Variants in MAF observed in about 807,000 individuals in gnomAD.
MAF encodes MAF bZIP transcription factor, also known as transcription factor Maf.
Under a neutral mutation model 22.0 loss-of-function variants are expected in MAF, and 10 were observed. The observed-to-expected ratio is 0.45, with a 90% confidence interval of 0.28 to 0.77. The LOEUF (loss-of-function observed/expected upper bound fraction) is 0.77. Ranked by LOEUF, MAF falls within the 30% of genes least tolerant of loss-of-function variation. The pLI is 0.12. For missense variants in MAF, 544 were observed against 548.4 expected, an observed-to-expected ratio of 0.99 and a Z score of 0.08; for synonymous variants, 337 against 255.8, an observed-to-expected ratio of 1.32 and a Z score of -3.03.
At chr16:79,222,366 C>G in the MAF span, among the ~76,000 whole-genome samples, 9 of 152,208 alleles carry the variant, frequency 5.9e-5, no homozygotes, top group Non-Finnish European at 1.0e-4. Flanking sequence ...ACAACTGATA[C>G]CAGCCACTGC....
At chr16:79,321,645 C>CTTTTTT in the MAF span, among the ~76,000 whole-genome samples, 64 of 86,970 alleles carry the variant, frequency 7.4e-4, no homozygotes, top group African/African-American at 2.0e-3. Flanking sequence ...TTTTCTTTTT[C>CTTTTTT]TTTTTTTTTT....
At chr16:79,524,122 C>T in the MAF span, among the ~76,000 whole-genome samples, 18 of 152,298 alleles carry the variant, frequency 1.2e-4, no homozygotes, top group East Asian at 5.8e-4. Context: ...CATCCAACTG[C>T]GCCCATCAGC....
At chr16:79,545,191 G>T in the MAF span, among the ~76,000 whole-genome samples, 1 of 152,174 alleles carries the variant, frequency 6.6e-6, no homozygotes, top group South Asian at 2.1e-4. Flanking sequence ...GGAAAAAAAA[G>T]TGAGAAAGGG....
the MAF span, among the ~76,000 whole-genome samples, chr16:79,485,213 C>A: frequency 6.6e-6 from 1 of 152,268 alleles, no homozygotes; most frequent in Non-Finnish European, 1.5e-5. Context: ...TGACCCTGGG[C>A]AAGTGTTTTG....
chr16:79,232,420 C>G, the MAF span, among the ~76,000 whole-genome samples: 1 of 151,946 alleles, frequency 6.6e-6, no homozygotes, highest in Admixed American at 6.6e-5. Flanking sequence ...GCAGCAGATT[C>G]CAGAATTTGG....
chr16:79,506,263 C>G, the MAF span, among the ~76,000 whole-genome samples: 1 of 152,154 alleles, frequency 6.6e-6, no homozygotes, highest in African/African-American at 2.4e-5. Context: ...GAAATGGATG[C>G]CTTCTGTAGC....
chr16:79,583,286 C>A (rs1912637310), downstream of MAF, among the ~76,000 whole-genome samples: 1 of 152,232 alleles, frequency 6.6e-6, no homozygotes, highest in East Asian at 1.9e-4. Flanking sequence ...TTACGTTTGA[C>A]AACTGTTTGA....
the MAF span, among the ~76,000 whole-genome samples, chr16:79,435,592 G>T: frequency 6.6e-6 from 1 of 152,190 alleles, no homozygotes; most frequent in Non-Finnish European, 1.5e-5. Context: ...TGAGGCTCAG[G>T]AAGCTGGAAC....
the MAF span, among the ~76,000 whole-genome samples, chr16:79,458,812 C>A: frequency 2.6e-5 from 4 of 152,174 alleles, no homozygotes; most frequent in African/African-American, 9.7e-5. Flanking sequence ...GTCACCCTTT[C>A]CTTTCTTGGG....
the MAF span, among the ~76,000 whole-genome samples, chr16:79,404,181 T>C: frequency 6.6e-6 from 1 of 150,802 alleles, no homozygotes; most frequent in Non-Finnish European, 1.5e-5. Context: ...TTTTTTTTTT[T>C]TCAGATGGAG....
At chr16:79,321,541 C>G in the MAF span, among the ~76,000 whole-genome samples, 147 of 151,620 alleles carry the variant, frequency 9.7e-4, 2 homozygotes, top group Non-Finnish European at 1.7e-3. Context: ...TTAGCTGAGG[C>G]CAGGAAGGAA....
chr16:79,465,326 C>T, the MAF span, among the ~76,000 whole-genome samples: 1 of 152,188 alleles, frequency 6.6e-6, no homozygotes, highest in Non-Finnish European at 1.5e-5. Flanking sequence ...GGCGTGGTGG[C>T]TTATGCCTGT....
At chr16:79,211,532 C>A in the MAF span, 1 of 1,589,048 alleles carries the variant, frequency 6.3e-7, no homozygotes, top group East Asian at 2.3e-5. Context: ...CTGCTAATGC[C>A]CAGGCAGTCG....
At chr16:79,529,285 C>A in the MAF span, among the ~76,000 whole-genome samples, 2 of 152,100 alleles carry the variant, frequency 1.3e-5, no homozygotes, top group Admixed American at 1.3e-4. Flanking sequence ...CAGATGGATC[C>A]AGTTTGACCC....
the MAF span, among the ~76,000 whole-genome samples, chr16:79,232,443 T>G: frequency 6.6e-6 from 1 of 152,080 alleles, no homozygotes; most frequent in East Asian, 1.9e-4. Flanking sequence ...GTACGGTAGT[T>G]GACTCGACAA....
chr16:79,570,128 A>G, the MAF span, among the ~76,000 whole-genome samples: 4 of 151,924 alleles, frequency 2.6e-5, no homozygotes, highest in African/African-American at 9.7e-5. Context: ...AAGCCATTAA[A>G]TTGACAGGTT....
the MAF span, among the ~76,000 whole-genome samples, chr16:79,361,497 A>G: frequency 6.6e-6 from 1 of 152,098 alleles, no homozygotes. Flanking sequence ...AACATTTAGC[A>G]CTTTCCCCCG....
chr16:79,311,562 C>A, the MAF span, among the ~76,000 whole-genome samples: 1 of 151,130 alleles, frequency 6.6e-6, no homozygotes, highest in African/African-American at 2.4e-5. Flanking sequence ...TTGGATGAGT[C>A]GGGGTACTGT....
chr16:79,408,643 C>T, the MAF span, among the ~76,000 whole-genome samples: 442 of 152,104 alleles, frequency 2.9e-3, 1 homozygote, highest in African/African-American at 9.7e-3. Flanking sequence ...ATTCTTCCAT[C>T]CTTCTTTTCT....
Sources: gnomAD v4.1 joint callset for allele counts (sites outside exome capture counted in the v4.1 genomes callset) on GRCh38, gnomAD v4.1.1 for gene constraint, MANE v1.5 for transcripts, NCBI Gene and HGNC (gene_info 2026-07-23, HGNC 2026-07-21) for gene names.